Variants in KIAA0825 observed in about 807,000 individuals in gnomAD.
The protein encoded by KIAA0825 is uncharacterized protein KIAA0825.
Under a neutral mutation model 147.6 loss-of-function variants are expected in KIAA0825, and 119 were observed. The ratio of observed to expected loss-of-function variants is 0.81; its 90% CI spans 0.69 to 0.94. The LOEUF is 0.94. KIAA0825 is among the 40% of genes least tolerant of loss of function. The probability of loss-of-function intolerance (pLI) is 0.00; values close to 1 mark genes in which losing one functional copy is unlikely to be tolerated. For missense variants in KIAA0825, 1,381 were observed against 1,472.7 expected (o/e 0.94, Z 1.02); for synonymous variants, 470 against 518.1 (o/e 0.91, Z 1.26).
At chr5:94,573,270 GTTT>G (rs534638768) in intron 2 of KIAA0825, among the ~76,000 whole-genome samples, 2 of 124,924 alleles carry the variant, frequency 1.6e-5, no homozygotes, top group Admixed American at 8.5e-5. Context: ...CTTTTTAAGT[GTTT>G]TTTTTTTTTT....
chr5:94,302,408 C>T (rs1461274883), intron 20 of KIAA0825, among the ~76,000 whole-genome samples: 1 of 152,046 alleles, frequency 6.6e-6, no homozygotes, highest in Non-Finnish European at 1.5e-5. Flanking sequence ...TGACCTGTTC[C>T]AGGGTGTTAA....
At chr5:94,374,159 C>A (rs1320018935) in intron 20 of KIAA0825, among the ~76,000 whole-genome samples, 1 of 152,072 alleles carries the variant, frequency 6.6e-6, no homozygotes, top group Non-Finnish European at 1.5e-5. Context: ...CCCGAAAGTG[C>A]CAGTATGTGA....
chr5:94,408,515 T>TTGTGTGTGTGTGTGTGTG (rs3050853), intron 15 of KIAA0825, among the ~76,000 whole-genome samples: 3 of 147,206 alleles, frequency 2.0e-5, no homozygotes, highest in African/African-American at 5.0e-5. Flanking sequence ...CTCAGCTAAT[T>TTGTGTGTGTGTGTGTGTG]TGTGTGTGTG....
chr5:94,164,287 A>G (rs566277999), intron 20 of KIAA0825, among the ~76,000 whole-genome samples: 69 of 152,346 alleles, frequency 4.5e-4, no homozygotes, highest in African/African-American at 1.6e-3. Context: ...GAATCATATT[A>G]TCTGACTTCA....
chr5:94,500,023 A>G (rs978814797), intron 5 of KIAA0825, among the ~76,000 whole-genome samples: 1 of 152,150 alleles, frequency 6.6e-6, no homozygotes, highest in Admixed American at 6.5e-5. Flanking sequence ...CAAGGAAGGG[A>G]ATGAAGAGAG....
At chr5:94,249,068 G>A (rs548994401) in intron 20 of KIAA0825, among the ~76,000 whole-genome samples, 3 of 152,082 alleles carry the variant, frequency 2.0e-5, no homozygotes, top group South Asian at 2.1e-4. Context: ...AAGCCCGATC[G>A]GGTTAAAAGA....
intron 13 of KIAA0825, among the ~76,000 whole-genome samples, chr5:94,449,278 C>T (rs1040238596): frequency 3.9e-5 from 6 of 152,072 alleles, no homozygotes; most frequent in African/African-American, 7.2e-5. Context: ...CCAGGAGTGA[C>T]AGTGTGGGTG....
At chr5:94,342,654 T>C (rs1025910220) in intron 20 of KIAA0825, among the ~76,000 whole-genome samples, 3 of 152,196 alleles carry the variant, frequency 2.0e-5, no homozygotes, top group Non-Finnish European at 2.9e-5. Context: ...TGATGTTTCA[T>C]TATTTATAGA....
intron 20 of KIAA0825, among the ~76,000 whole-genome samples, chr5:94,267,505 G>T (rs1201152694): frequency 6.6e-6 from 1 of 152,094 alleles, no homozygotes; most frequent in Non-Finnish European, 1.5e-5. Flanking sequence ...GTGTATCACT[G>T]AGCCAGATTA....
intron 20 of KIAA0825, among the ~76,000 whole-genome samples, chr5:94,206,548 A>C (rs1268129697): frequency 1.3e-5 from 2 of 151,960 alleles, no homozygotes; most frequent in East Asian, 3.9e-4. Flanking sequence ...TTATTTGTTT[A>C]TTTGTGCTCT....
At chr5:94,336,400 T>TC (rs1279470697) in intron 20 of KIAA0825, among the ~76,000 whole-genome samples, 1 of 151,670 alleles carries the variant, frequency 6.6e-6, no homozygotes, top group African/African-American at 2.4e-5. Flanking sequence ...CCTAATGCTA[T>TC]CCCTCCCCTA....
chr5:94,567,288 C>T (rs1189062722), intron 2 of KIAA0825, among the ~76,000 whole-genome samples: 2 of 152,150 alleles, frequency 1.3e-5, no homozygotes, highest in Non-Finnish European at 2.9e-5. Context: ...TTTTGCCCTC[C>T]ATTTGTTGAA....
intron 16 of KIAA0825, 74 bp downstream of exon 16, chr5:94,403,495 A>T (rs1751659312): frequency 9.0e-7 from 1 of 1,112,932 alleles, no homozygotes; most frequent in Admixed American, 2.3e-5. Context: ...AAATTTTAGA[A>T]TTTTACTTGA....
chr5:94,426,535 G>A (rs1452400299), intron 14 of KIAA0825, among the ~76,000 whole-genome samples: 1 of 152,158 alleles, frequency 6.6e-6, no homozygotes, highest in African/African-American at 2.4e-5. Flanking sequence ...TAAACCGATA[G>A]AAACCAGAGG....
intron 20 of KIAA0825, among the ~76,000 whole-genome samples, chr5:94,232,089 A>T (rs1174252679): frequency 2.6e-5 from 4 of 152,128 alleles, no homozygotes; most frequent in African/African-American, 9.6e-5. Flanking sequence ...CTAAAGACAG[A>T]AGAAAATGAG....
intron 20 of KIAA0825, among the ~76,000 whole-genome samples, chr5:94,343,043 G>A (rs1018447784): frequency 2.0e-5 from 3 of 151,860 alleles, no homozygotes; most frequent in Non-Finnish European, 4.4e-5. Flanking sequence ...AATACAAGAT[G>A]GACAACATAC....
intron 9 of KIAA0825, among the ~76,000 whole-genome samples, chr5:94,470,970 T>C (rs951311060): frequency 4.6e-5 from 7 of 152,206 alleles, no homozygotes; most frequent in African/African-American, 7.2e-5. Flanking sequence ...TACAGATACA[T>C]GAAAATTAGA....
intron 2 of KIAA0825, chr5:94,569,313 C>A (rs1779393685): frequency 1.2e-5 from 4 of 337,834 alleles, no homozygotes; most frequent in Non-Finnish European, 2.2e-5. Flanking sequence ...ACCATTAAAC[C>A]TATACAACCT....
intron 18 of KIAA0825, among the ~76,000 whole-genome samples, chr5:94,387,308 C>G (rs1749287955): frequency 6.6e-6 from 1 of 152,122 alleles, no homozygotes; most frequent in African/African-American, 2.4e-5. Flanking sequence ...TACTCAAAGT[C>G]TGGGGCACTG....
Sources: allele counts gnomAD v4.1 joint callset (sites outside exome capture counted in the v4.1 genomes callset), GRCh38; gene constraint gnomAD v4.1.1; transcripts MANE v1.5; gene names NCBI Gene and HGNC (gene_info 2026-07-23, HGNC 2026-07-21).